Variants in PDE3B observed in about 807,000 individuals in gnomAD.
PDE3B encodes cGMP-inhibited 3',5'-cyclic phosphodiesterase 3B.
PDE3B carries 66 observed loss-of-function variants against 116.8 expected under a neutral mutation model. That is an observed-to-expected ratio of 0.56 (90% CI 0.46 to 0.69). The LOEUF (loss-of-function observed/expected upper bound fraction) is 0.69, where lower values mean the gene tolerates loss of function less well. Among genes scored for constraint, PDE3B ranks in the 30% least tolerant of loss-of-function variants. The pLI is 0.00. For synonymous variants in PDE3B, 595 were observed against 533.6 expected, an observed-to-expected ratio of 1.12 and a Z score of -1.59; for missense variants, 1,384 against 1,368.1, an observed-to-expected ratio of 1.01 and a Z score of -0.18.
chr11:14,863,493 G>A (rs1017510401), intron 14 of PDE3B, among the ~76,000 whole-genome samples: 4 of 152,050 alleles, frequency 2.6e-5, no homozygotes, highest in Admixed American at 6.6e-5. Context: ...GTCCCACGAT[G>A]CATAATCATT....
At chr11:14,765,485 A>G (rs1424289012) in intron 1 of PDE3B, among the ~76,000 whole-genome samples, 1 of 151,956 alleles carries the variant, frequency 6.6e-6, no homozygotes, top group Non-Finnish European at 1.5e-5. Flanking sequence ...AACCATAAAG[A>G]AAAAATGAAT....
chr11:14,725,309 C>T lies in PDE3B; in HGVS notation c.979-46628C>T, dbSNP rs200290978. Among the ~76,000 whole-genome samples, 373 of 147,442 alleles carry T rather than the reference C, an allele frequency of 2.5e-3. 1 individual carries two copies. Among genetic ancestry groups the T allele is most frequent in the African/African-American group, 8.3e-3 (325 of 39,260 alleles). ...TTTCTTTTTCTTTCTTTCTTTCTTTCTCTTTCTTTCTTTCTTTCTTTTTCT... is the reference window on the plus strand; with the variant it reads ...TTTCTTTTTCTTTCTTTCTTTCTTTTTCTTTCTTTCTTTCTTTCTTTTTCT... On this transcript the variant is annotated intron_variant, in intron 1 of 15. Transcript: ENST00000282096.
In PDE3B at chr11:14,843,889, C is replaced by A; in HGVS notation, c.2383C>A (p.Pro795Thr). 1.2e-6 allele frequency: 2 copies of A among 1,614,076 alleles called. No homozygotes were observed. Among genetic ancestry groups the A allele is most frequent in the Non-Finnish European group, 1.7e-6 (2 of 1,179,940 alleles). The change falls in exon 12 of 16, where the codon CCT becomes ACT. Residue 795 changes from proline to threonine, a missense_variant. Pro to Thr is a conservative substitution (Grantham distance 38, BLOSUM62 -1). Around this residue, in one of 2 missense-constraint regions of PDE3B, gnomAD observed 428 missense variants for 561.4 expected, o/e 0.76. Transcript: ENST00000282096. The part of the protein sequence containing the change: ...AYISSKSCSN[P>T]DESYGCLSSN... The stretch of plus-strand genomic sequence containing the variant: ...TATTTCTTCGAAGAGCTGCTCTAAT[C>A]CTGATGAGAGTTATGGCTGCCTGTC...
chr11:14,715,620 G>C (rs1855855097), intron 1 of PDE3B, among the ~76,000 whole-genome samples: 1 of 152,170 alleles, frequency 6.6e-6, no homozygotes, highest in Admixed American at 6.5e-5. Context: ...TGTATCCTGA[G>C]ACTTTGCTGA....
intron 5 of PDE3B, among the ~76,000 whole-genome samples, chr11:14,815,803 GA>G (rs540261123): frequency 8.4e-4 from 128 of 151,586 alleles, no homozygotes; most frequent in African/African-American, 3.1e-3. Context: ...GAGGATTTCA[GA>G]AAAAAAACTA....
At chr11:14,891,485 C>T in the PDE3B span, 5 of 987,154 alleles carry the variant, frequency 5.1e-6, no homozygotes, top group Non-Finnish European at 6.0e-6. Context: ...ATTCTCACAG[C>T]AAACGCCTAC....
intron 4 of PDE3B, among the ~76,000 whole-genome samples, chr11:14,792,996 A>G (rs1042264204): frequency 2.0e-4 from 31 of 152,290 alleles, no homozygotes; most frequent in Admixed American, 8.5e-4. Context: ...TAAGTTCTGT[A>G]AAGAGTTCGA....
chr11:14,802,679 AC>A (rs1164240410), intron 4 of PDE3B, among the ~76,000 whole-genome samples: 3 of 152,086 alleles, frequency 2.0e-5, no homozygotes, highest in Admixed American at 1.3e-4. Flanking sequence ...AGTCTTTGCC[AC>A]CCCACATGTA....
intron 1 of PDE3B, among the ~76,000 whole-genome samples, chr11:14,765,340 A>G (rs1857469563): frequency 6.6e-6 from 1 of 151,976 alleles, no homozygotes; most frequent in Non-Finnish European, 1.5e-5. Context: ...TCATTGACGT[A>G]ATTGAACCTG....
rs188467293 is a variant in PDE3B, at chr11:14,800,126, G to A, written c.1416-3818G>A. On this transcript the variant is annotated intron_variant, in intron 4 of 15. Transcript: ENST00000282096. ...GGAGCTCTTGTTAGGCAGGCCTGGT[G>A]GTGACAGAATCTCTCAGCATTTGCT... is the stretch of plus-strand genomic sequence containing the variant. 9.2e-5 allele frequency among the ~76,000 whole-genome samples: 14 copies of A among 152,200 alleles called. No individual in the cohort carries two copies. In the East Asian group the frequency reaches 2.3e-3, roughly 25 times the overall value.
chr11:14,889,037 G>A, the PDE3B span, among the ~76,000 whole-genome samples: 4 of 152,112 alleles, frequency 2.6e-5, no homozygotes, highest in African/African-American at 9.7e-5. Context: ...CCTTTAAAAT[G>A]AATATATAAG....
intron 1 of PDE3B, among the ~76,000 whole-genome samples, chr11:14,733,113 G>A (rs759981163): frequency 2.6e-5 from 4 of 152,094 alleles, no homozygotes; most frequent in Admixed American, 1.3e-4. Flanking sequence ...TGTAAAAATG[G>A]CATTCAGATT....
At chr11:14,743,160 C>A (rs1035697297) in intron 1 of PDE3B, among the ~76,000 whole-genome samples, 2 of 152,104 alleles carry the variant, frequency 1.3e-5, no homozygotes, top group Middle Eastern at 3.2e-3. Context: ...GAAGTTGCAC[C>A]CACAGCTGCC....
At chr11:14,669,272 G>A (rs1049175426) in intron 1 of PDE3B, among the ~76,000 whole-genome samples, 1 of 151,946 alleles carries the variant, frequency 6.6e-6, no homozygotes, top group Non-Finnish European at 1.5e-5. Context: ...TGGGAGAGTG[G>A]GGGAGAATAA....
At chr11:14,672,569 C>T (rs1447083631) in intron 1 of PDE3B, among the ~76,000 whole-genome samples, 1 of 152,100 alleles carries the variant, frequency 6.6e-6, no homozygotes, top group Non-Finnish European at 1.5e-5. Context: ...AATATAGTGG[C>T]TCAAGTAAGA....
At position 14,692,594 on chromosome 11, in the gene PDE3B, T is replaced by A. The variant is rs144718399; in HGVS notation, c.978+47541T>A. On this transcript the variant is annotated intron_variant, in intron 1 of 15. Transcript: ENST00000282096. Reference sequence around the variant, plus strand: ...TTTATTAGTATATCTATTATGACTATTTGTGATCAGCGATCTTTGATGTTA... The same window carrying A: ...TTTATTAGTATATCTATTATGACTAATTGTGATCAGCGATCTTTGATGTTA... Among the ~76,000 whole-genome samples the A allele has an allele frequency of 2.4e-3, 358 of 152,244 alleles. 1 individual carries two copies. Among genetic ancestry groups the A allele is most frequent in the African/African-American group, 8.1e-3 (337 of 41,536 alleles).
intron 1 of PDE3B, among the ~76,000 whole-genome samples, chr11:14,756,249 C>A (rs191320315): frequency 2.1e-4 from 32 of 152,128 alleles, no homozygotes; most frequent in Admixed American, 1.9e-3. Context: ...ATATTATAAT[C>A]TAGTTGGGGA....
chr11:14,667,377 A>G (rs1023932317), intron 1 of PDE3B, among the ~76,000 whole-genome samples: 6 of 151,920 alleles, frequency 3.9e-5, no homozygotes, highest in Admixed American at 6.6e-5. Flanking sequence ...TGGCACATGT[A>G]TACACATGTA....
At chr11:14,868,016 T>C (rs1848078959) in intron 15 of PDE3B, among the ~76,000 whole-genome samples, 1 of 152,214 alleles carries the variant, frequency 6.6e-6, no homozygotes, top group African/African-American at 2.4e-5. Context: ...AATAACTGCA[T>C]ATATCCATTT....
Sources: gnomAD v4.1 joint callset for allele counts (sites outside exome capture counted in the v4.1 genomes callset) on GRCh38, gnomAD v4.1.1 for gene constraint, gnomAD v4.1.1 regional missense constraint, MANE v1.5 for transcripts, NCBI Gene and HGNC (gene_info 2026-07-23, HGNC 2026-07-21) for gene names.